The following OR51B5 variants were observed in gnomAD, a reference collection of about 807,000 sequenced individuals.
OR51B5 encodes olfactory receptor family 51 subfamily B member 5.
For synonymous variants in OR51B5, 186 were observed against 144.8 expected (o/e 1.28, Z -2.04); for missense variants, 456 against 374.6 (o/e 1.22, Z -1.79).
intron 1 of OR51B5, chr11:5,403,235 G>T (rs894241415): frequency 2.1e-6 from 1 of 471,366 alleles, no homozygotes. Context: ...GGCTGGATTC[G>T]TTGCTGATTG....
At chr11:5,406,322 T>C (rs1850057752) in intron 1 of OR51B5, among the ~76,000 whole-genome samples, 1 of 152,206 alleles carries the variant, frequency 6.6e-6, no homozygotes, top group Admixed American at 6.5e-5. Context: ...TTATATGTAA[T>C]GCTCCTCCCA....
rs1265755423 is a variant in OR51B5, at chr11:5,441,277, G to T, written n.84+64292C>A. 1.9e-6 allele frequency: 3 copies of T among 1,613,946 alleles called. No individual in the cohort carries two copies. In the East Asian group the frequency reaches 6.7e-5, roughly 36 times the overall value. ...CAGAAAGTAGAAATCACAGTGGGAA[G>T]TGTAGAAAAGGACACTCCCAGATCA... On this transcript the variant is annotated intron_variant and non_coding_transcript_variant, in intron 1 of 4. Coordinates refer to the OR51B5 transcript ENST00000415970.
intron 1 of OR51B5, among the ~76,000 whole-genome samples, chr11:5,407,626 G>A (rs1314237031): frequency 6.7e-6 from 1 of 150,248 alleles, no homozygotes; most frequent in Non-Finnish European, 1.5e-5. Flanking sequence ...CAATTTATCT[G>A]CTTTACATAT....
At chr11:5,438,290 T>C (rs1225201945) in intron 1 of OR51B5, among the ~76,000 whole-genome samples, 16 of 151,554 alleles carry the variant, frequency 1.1e-4, no homozygotes, top group Admixed American at 1.1e-3. Context: ...ACTGAGAAAA[T>C]GAAATTTCAA....
chr11:5,349,505 G>A (rs75004223), intron 1 of OR51B5, among the ~76,000 whole-genome samples: 2 of 150,872 alleles, frequency 1.3e-5, no homozygotes, highest in African/African-American at 4.9e-5. Flanking sequence ...GCTTTATTTA[G>A]GTATATTTAA....
At chr11:5,407,139 T>C (rs1043680805) in intron 1 of OR51B5, among the ~76,000 whole-genome samples, 28 of 152,128 alleles carry the variant, frequency 1.8e-4, no homozygotes, top group Non-Finnish European at 1.5e-5. Flanking sequence ...CTGACAGTAC[T>C]GTGGGGCATA....
intron 1 of OR51B5, among the ~76,000 whole-genome samples, chr11:5,475,706 C>G (rs767372059): frequency 3.8e-4 from 58 of 152,046 alleles, no homozygotes; most frequent in Admixed American, 1.5e-3. Flanking sequence ...TGAAACATGA[C>G]CATCTCTCCT....
At chr11:5,364,205 CTT>C (rs1002272197) in intron 1 of OR51B5, among the ~76,000 whole-genome samples, 2 of 152,158 alleles carry the variant, frequency 1.3e-5, no homozygotes, top group South Asian at 2.1e-4. Flanking sequence ...TTTTGACAAA[CTT>C]TAAGTTCAAA....
At position 5,460,796 on chromosome 11, in the gene OR51B5, A is replaced by G. The variant is rs537780558; in HGVS notation, n.84+44773T>C. ...GCCTTTGATGATTTAAATGTGATATAAGTTTGGTTTAGTTGATTGCCTTTG... is the reference window on the plus strand; with the variant it reads ...GCCTTTGATGATTTAAATGTGATATGAGTTTGGTTTAGTTGATTGCCTTTG... On this transcript the variant is annotated intron_variant and non_coding_transcript_variant, in intron 1 of 4. Coordinates refer to the OR51B5 transcript ENST00000415970. Among the ~76,000 whole-genome samples, 14 of 152,246 alleles carry G rather than the reference A, an allele frequency of 9.2e-5. No homozygotes were observed. The South Asian group carries it at 2.7e-3, about 29-fold the overall frequency.
chr11:5,477,197 G>A (rs1018578205), intron 1 of OR51B5, among the ~76,000 whole-genome samples: 1 of 152,028 alleles, frequency 6.6e-6, no homozygotes, highest in Non-Finnish European at 1.5e-5. Flanking sequence ...TGAGCGCCAG[G>A]GGAGATGAGT....
chr11:5,439,288 A>C lies in OR51B5; in HGVS notation n.84+66281T>G, dbSNP rs140834791. Reference sequence around the variant, plus strand: ...AAATTGTGTATCAAATTCTCCTCTGAAGCTATTTCTGTCTTCCACCTGCAC... The same window carrying C: ...AAATTGTGTATCAAATTCTCCTCTGCAGCTATTTCTGTCTTCCACCTGCAC... On this transcript the variant is annotated intron_variant and non_coding_transcript_variant, in intron 1 of 4. Coordinates refer to the OR51B5 transcript ENST00000415970. 1.2e-3 allele frequency among the ~76,000 whole-genome samples: 187 copies of C among 152,204 alleles called. 1 individual carries two copies. Among genetic ancestry groups the C allele is most frequent in the Non-Finnish European group, 2.3e-3 (154 of 68,006 alleles).
chr11:5,365,767 T>C lies in OR51B5; in HGVS notation n.85-18857A>G, dbSNP rs184379435. Among the ~76,000 whole-genome samples the C allele has an allele frequency of 9.8e-5, 15 of 152,330 alleles. No homozygotes were observed. The East Asian group carries it at 2.9e-3, about 29-fold the overall frequency. ...GATATAAGCTTTTGAGGGCAGATAT[T>C]ATAATCCAGGCATCACCTCCATTAC... On this transcript the variant is annotated intron_variant and non_coding_transcript_variant, in intron 1 of 4. Coordinates refer to the OR51B5 transcript ENST00000415970.
exon 1 of OR51B5, chr11:5,343,208 G>A (rs1435926857): frequency 6.2e-7 from 1 of 1,613,666 alleles, no homozygotes; most frequent in East Asian, 2.2e-5. Context: ...CTCGAGAAAG[G>A]AAAGTGAGTG....
chr11:5,376,712 G>T (rs1048955703), intron 1 of OR51B5, among the ~76,000 whole-genome samples: 2 of 151,976 alleles, frequency 1.3e-5, no homozygotes, highest in South Asian at 4.2e-4. Flanking sequence ...AAATCTAGAA[G>T]AAATGGATAA....
chr11:5,343,557 TTC>T (rs1848940570), upstream of OR51B5: 3 of 703,754 alleles, frequency 4.3e-6, no homozygotes, highest in African/African-American at 1.8e-5. Context: ...GTCTTTCTGT[TTC>T]TGTTATTACC....
chr11:5,395,265 C>A (rs182632514), intron 1 of OR51B5, among the ~76,000 whole-genome samples: 1 of 152,242 alleles, frequency 6.6e-6, no homozygotes, highest in African/African-American at 2.4e-5. Flanking sequence ...AGAACAGCAT[C>A]CTGAGTCAAA....
chr11:5,376,415 G>C (rs1039311841), intron 1 of OR51B5, among the ~76,000 whole-genome samples: 1 of 151,962 alleles, frequency 6.6e-6, no homozygotes, highest in African/African-American at 2.4e-5. Flanking sequence ...AGATAAGCAA[G>C]AGCAAACACA....
intron 1 of OR51B5, among the ~76,000 whole-genome samples, chr11:5,435,963 C>G (rs528516394): frequency 6.6e-6 from 1 of 152,166 alleles, no homozygotes; most frequent in Non-Finnish European, 1.5e-5. Flanking sequence ...TCATCCTGTC[C>G]TTCTCAACAC....
intron 1 of OR51B5, chr11:5,455,710 T>C (rs1355179572): frequency 1.3e-5 from 2 of 152,152 alleles, no homozygotes; most frequent in Non-Finnish European, 2.9e-5. Flanking sequence ...CATATTGTTA[T>C]CTAGAGGTTT....
Sources: allele counts gnomAD v4.1 joint callset (sites outside exome capture counted in the v4.1 genomes callset), GRCh38; gene constraint gnomAD v4.1.1; transcripts MANE v1.5; gene names NCBI Gene and HGNC (gene_info 2026-07-23, HGNC 2026-07-21).